Variants in SHISA5 observed in about 807,000 individuals in gnomAD.
SHISA5 encodes shisa family member 5, also known as protein shisa-5.
In SHISA5, 21 loss-of-function variants were observed where a neutral mutation model predicts 27.5. The ratio of observed to expected loss-of-function variants is 0.76; its 90% CI spans 0.54 to 1.10. The LOEUF (loss-of-function observed/expected upper bound fraction) is 1.10, where lower values mean the gene tolerates loss of function less well. SHISA5 is among the 50% of genes least tolerant of loss of function. The pLI, the probability that SHISA5 is intolerant of heterozygous loss-of-function variation, is 0.00. For synonymous variants in SHISA5, 137 were observed against 142.2 expected, an observed-to-expected ratio of 0.96 and a Z score of 0.26; for missense variants, 314 against 336.3, an observed-to-expected ratio of 0.93 and a Z score of 0.52.
Position 48,494,487 on chromosome 3 carries a change from G to T in SHISA5, c.233+6650C>A, listed in dbSNP as rs2041499483. Among the ~76,000 whole-genome samples the T allele has an allele frequency of 4.1e-5, 6 of 146,546 alleles. 2 individuals carry two copies. Among genetic ancestry groups the T allele is most frequent in the African/African-American group, 1.6e-4 (6 of 36,648 alleles). On this transcript the variant is annotated intron_variant, in intron 2 of 5. Coordinates refer to ENST00000296444, the MANE Select transcript of SHISA5 (RefSeq NM_016479.6). ...TTTTTGTATTTTTAGTAGAAACGTGGTTTCACCATGTTGGCCAGGATGGTC... is the reference window on the plus strand; with the variant it reads ...TTTTTGTATTTTTAGTAGAAACGTGTTTTCACCATGTTGGCCAGGATGGTC...
chr3:48,504,184 G>T (rs2041837089), upstream of SHISA5: 2 of 494,770 alleles, frequency 4.0e-6, no homozygotes, highest in Admixed American at 4.5e-5. This position sits in a 1 kb window ranked among gnomAD's most constrained non-coding sequence, Gnocchi z 4.0. Flanking sequence ...CCTCTCCCTC[G>T]CCCCGCCCCG....
chr3:48,478,019 G>A (rs151334721), intron 3 of SHISA5, among the ~76,000 whole-genome samples: 5 of 152,286 alleles, frequency 3.3e-5, no homozygotes, highest in African/African-American at 7.2e-5. Context: ...GGTCCCCAGC[G>A]CTCCCAGAAC....
chr3:48,481,167 G>A (rs1000808428), intron 2 of SHISA5, among the ~76,000 whole-genome samples: 6 of 152,106 alleles, frequency 3.9e-5, no homozygotes, highest in Non-Finnish European at 7.4e-5. Flanking sequence ...TGAGCTGGGC[G>A]TGGTGGCTCA....
intron 1 of SHISA5, among the ~76,000 whole-genome samples, chr3:48,502,824 C>T (rs1335517735): frequency 1.3e-5 from 2 of 152,236 alleles, no homozygotes; most frequent in Admixed American, 1.3e-4. Flanking sequence ...TGCCATAGCA[C>T]GTGGCCTCTG....
At chr3:48,485,526 T>C (rs2041177297) in intron 2 of SHISA5, among the ~76,000 whole-genome samples, 2 of 143,772 alleles carry the variant, frequency 1.4e-5, no homozygotes, top group Admixed American at 7.2e-5. Context: ...TTTATATATA[T>C]ATTAAATATA....
chr3:48,501,941 ATC>A (rs1560136834), intron 1 of SHISA5, among the ~76,000 whole-genome samples: 1 of 151,018 alleles, frequency 6.6e-6, no homozygotes, highest in African/African-American at 2.4e-5. Context: ...GCTCACTGCA[ATC>A]TCTGCCTCCC....
At position 48,472,873 on chromosome 3, in the gene SHISA5, C is replaced by T. The variant is rs1196088124; in HGVS notation, c.315-3030G>A. The T allele has an allele frequency of 3.1e-6, 3 of 952,698 alleles. No individual in the cohort carries two copies. In the East Asian group the frequency reaches 7.9e-5, roughly 25 times the overall value. 59.0% of individuals were successfully genotyped at this position (952,698 alleles called of 1,614,324 possible). A position where few individuals can be genotyped will look rare whatever the true frequency, so the allele number is the denominator to read the frequency against. ...AGACTACAGGTGTCTTCCGGCCCAACCAGAGGCAGGAATGGAGAAACGCAC... is the reference window on the plus strand; with the variant it reads ...AGACTACAGGTGTCTTCCGGCCCAATCAGAGGCAGGAATGGAGAAACGCAC... On this transcript the variant is annotated intron_variant, in intron 3 of 5. Coordinates refer to ENST00000296444, the MANE Select transcript of SHISA5 (RefSeq NM_016479.6).
At position 48,468,223 on chromosome 3, in the gene SHISA5, A is replaced by ATGTT. The variant is rs2040428942; in HGVS notation, c.*880_*883dup. On this transcript the variant is annotated 3_prime_UTR_variant, in exon 6 of 6. Coordinates refer to ENST00000296444, the MANE Select transcript of SHISA5 (RefSeq NM_016479.6). ...GGGTTTCAGTCTCATATCAACTATCATGTTTGAAACAGAAAACAGGCAAAA... is the reference window on the plus strand; with the variant it reads ...GGGTTTCAGTCTCATATCAACTATCATGTTTGTTTGAAACAGAAAACAGGCAAAA... The ATGTT allele has an allele frequency of 1.0e-6, 1 of 1,002,246 alleles. No individual in the cohort carries two copies. The highest frequency in any genetic ancestry group is 1.2e-6 in the Non-Finnish European group (1 of 839,390). 62.1% of individuals were successfully genotyped at this position (1,002,246 alleles called of 1,614,324 possible). A position where few individuals can be genotyped will look rare whatever the true frequency, so the allele number is the denominator to read the frequency against.
chr3:48,501,198 A>G lies in SHISA5; in HGVS notation c.172T>C (p.Cys58Arg). ...CCGTCDDQYC[C>R]SDVLKKFVWS... The stretch of plus-strand genomic sequence containing the variant: ...ACAAATTTCTTCAGCACGTCAGAGC[A>G]GCAGTATTGGTCATCACAGGTACCA... Residue 58 changes from cysteine to arginine, a missense_variant, in exon 2 of 6, where the codon TGC becomes CGC. Transcript: ENST00000296444. 1.2e-6 allele frequency: 2 copies of G among 1,614,140 alleles called. No homozygotes were observed. The highest frequency in any genetic ancestry group is 1.7e-6 in the Non-Finnish European group (2 of 1,179,984).
At chr3:48,478,201 A>G (rs1298604982) in intron 3 of SHISA5, among the ~76,000 whole-genome samples, 1 of 152,166 alleles carries the variant, frequency 6.6e-6, no homozygotes, top group Non-Finnish European at 1.5e-5. Context: ...AGGCCTGTAG[A>G]GATCTCAGGC....
Position 48,503,662 on chromosome 3 carries a change from G to A in SHISA5, c.76+357C>T, listed in dbSNP as rs537196733. On this transcript the variant is annotated intron_variant, in intron 1 of 5. Transcript: ENST00000296444. ...GAGGCAAAGAGGGAAGGCCTCTGAT[G>A]GAGGGGCCAGCTCGCCCTGCAGCCA... The A allele has an allele frequency of 3.2e-4, 343 of 1,068,862 alleles. No homozygotes were observed. In the African/African-American group the frequency reaches 5.4e-3, roughly 17 times the overall value. The allele number at this position is 1,068,862 out of a possible 1,614,324, so 66.2% of individuals were successfully genotyped here. A position where few individuals can be genotyped will look rare whatever the true frequency, so the allele number is the denominator to read the frequency against.
At position 48,468,214 on chromosome 3, in the gene SHISA5, T is replaced by C; in HGVS notation, c.*893A>G. 1.0e-6 allele frequency: 1 copy of C among 1,001,812 alleles called. No individual in the cohort carries two copies. The highest frequency in any genetic ancestry group is 1.2e-6 in the Non-Finnish European group (1 of 838,956). The allele number at this position is 1,001,812 out of a possible 1,614,324, so 62.1% of individuals were successfully genotyped here. A position where few individuals can be genotyped will look rare whatever the true frequency, so the allele number is the denominator to read the frequency against. On this transcript the variant is annotated 3_prime_UTR_variant, in exon 6 of 6. Coordinates refer to ENST00000296444, the MANE Select transcript of SHISA5 (RefSeq NM_016479.6). ...ACAACCCAGGGGTTTCAGTCTCATATCAACTATCATGTTTGAAACAGAAAA... is the reference window on the plus strand; with the variant it reads ...ACAACCCAGGGGTTTCAGTCTCATACCAACTATCATGTTTGAAACAGAAAA...
At chr3:48,503,301 G>A in intron 1 of SHISA5, 1 of 592,328 alleles carries the variant, frequency 1.7e-6, no homozygotes, top group Non-Finnish European at 2.8e-6. Flanking sequence ...GCTCACTCCA[G>A]GAGTGGGCGG....
At chr3:48,495,329 CTT>C (rs1251963124) in intron 2 of SHISA5, among the ~76,000 whole-genome samples, 232 of 119,594 alleles carry the variant, frequency 1.9e-3, no homozygotes, top group Middle Eastern at 4.5e-3. Context: ...TTTTACGACG[CTT>C]TTTTTTTTTT....
At position 48,468,356 on chromosome 3, in the gene SHISA5, A is replaced by T; in HGVS notation, c.*751T>A. On this transcript the variant is annotated 3_prime_UTR_variant, in exon 6 of 6. Coordinates refer to ENST00000296444, the MANE Select transcript of SHISA5 (RefSeq NM_016479.6). The stretch of plus-strand genomic sequence containing the variant: ...AGGGCAGGGCCAGCAAGGGCAGCAG[A>T]GCTCCCTGGGGGCAGCTAGGCTGTG... 16 of 1,057,038 alleles carry T rather than the reference A, an allele frequency of 1.5e-5. No individual in the cohort carries two copies. Among genetic ancestry groups the T allele is most frequent in the Non-Finnish European group, 1.7e-5 (15 of 872,458 alleles). The allele number at this position is 1,057,038 out of a possible 1,614,324, so 65.5% of individuals were successfully genotyped here.
At chr3:48,482,077 G>GA (rs200526165) in intron 2 of SHISA5, among the ~76,000 whole-genome samples, 46 of 22,086 alleles carry the variant, frequency 2.1e-3, no homozygotes, top group Non-Finnish European at 4.0e-3. Flanking sequence ...TCACAAAAAA[G>GA]AAAAAAAAAA....
chr3:48,488,100 T>C (rs565848226), intron 2 of SHISA5, among the ~76,000 whole-genome samples: 8 of 152,060 alleles, frequency 5.3e-5, no homozygotes, highest in African/African-American at 1.9e-4. Flanking sequence ...TAACAACACA[T>C]ACACTGTTTA....
rs374407540 is a variant in SHISA5, at chr3:48,481,425, C to T, written c.234-2168G>A. On this transcript the variant is annotated intron_variant, in intron 2 of 5. Coordinates refer to ENST00000296444, the MANE Select transcript of SHISA5 (RefSeq NM_016479.6). The stretch of plus-strand genomic sequence containing the variant: ...CTGCACTCCAGCCTTGGCAATGGAC[C>T]GAGACTCTGTCTCAAAAAAATAAAA... 2.1e-4 allele frequency among the ~76,000 whole-genome samples: 25 copies of T among 119,748 alleles called. No homozygotes were observed. The Middle Eastern group carries it at 0.013, about 61-fold the overall frequency. 78.6% of individuals were successfully genotyped at this position (119,748 alleles called of 152,430 possible).
chr3:48,503,280 C>G, intron 1 of SHISA5: 1 of 805,942 alleles, frequency 1.2e-6, no homozygotes, highest in Non-Finnish European at 1.8e-6. Context: ...CAGTGACCGA[C>G]CCTCCTACAG....
Sources: allele counts gnomAD v4.1 joint callset (sites outside exome capture counted in the v4.1 genomes callset), GRCh38; gene constraint gnomAD v4.1.1; non-coding constraint Gnocchi (gnomAD v3.1); transcripts MANE v1.5; gene names NCBI Gene and HGNC (gene_info 2026-07-23, HGNC 2026-07-21).